The following IL1RAPL1 variants were observed in gnomAD, a reference collection of about 807,000 sequenced individuals.
The protein encoded by IL1RAPL1 is interleukin-1 receptor accessory protein-like 1.
A neutral mutation model predicts 48.4 loss-of-function variants in IL1RAPL1; 3 were observed. The observed-to-expected ratio is 0.06, with a 90% confidence interval of 0.03 to 0.16. The LOEUF (loss-of-function observed/expected upper bound fraction) is 0.16. IL1RAPL1 is among the 10% of genes least tolerant of loss of function. IL1RAPL1 has a pLI of 1.00. For missense variants in IL1RAPL1, 349 were observed against 530.6 expected, an observed-to-expected ratio of 0.66 and a Z score of 3.36; for synonymous variants, 185 against 187.7, an observed-to-expected ratio of 0.99 and a Z score of 0.12.
At chrX:28,718,874 T>C (rs1456336911) in intron 1 of IL1RAPL1, among the ~76,000 whole-genome samples, 1 of 111,448 alleles carries the variant, frequency 9.0e-6, no homozygotes, top group African/African-American at 3.2e-5. Context: ...AACTAACTTA[T>C]TTGACTCTTA....
chrX:29,367,101 T>C (rs1206754574), intron 3 of IL1RAPL1, among the ~76,000 whole-genome samples: 2 of 111,678 alleles, frequency 1.8e-5, no homozygotes, highest in African/African-American at 6.5e-5. Flanking sequence ...CATGTGTAAT[T>C]AGCAAATATA....
intron 2 of IL1RAPL1, among the ~76,000 whole-genome samples, chrX:29,147,213 C>T (rs969845668): frequency 4.5e-5 from 5 of 112,137 alleles, no homozygotes; most frequent in African/African-American, 1.6e-4. Flanking sequence ...AATCAGTCCA[C>T]AGCCCAAGGA....
intron 2 of IL1RAPL1, among the ~76,000 whole-genome samples, chrX:29,123,973 T>C (rs1445421074): frequency 8.9e-6 from 1 of 111,882 alleles, no homozygotes; most frequent in Non-Finnish European, 1.9e-5. Context: ...TTAATGTGGC[T>C]ACTAGAGCAT....
At chrX:28,836,757 C>T (rs1019617822) in intron 2 of IL1RAPL1, among the ~76,000 whole-genome samples, 10 of 110,028 alleles carry the variant, frequency 9.1e-5, no homozygotes, top group African/African-American at 3.0e-4. Flanking sequence ...GCATCATCAT[C>T]GTCATCATCA....
chrX:28,946,053 T>C (rs1487591392), intron 2 of IL1RAPL1, among the ~76,000 whole-genome samples: 1 of 109,676 alleles, frequency 9.1e-6, no homozygotes, highest in East Asian at 2.9e-4. Context: ...TACAGTGTGA[T>C]ACAAATATAT....
chrX:29,738,912 A>G (rs1449205884), intron 6 of IL1RAPL1, among the ~76,000 whole-genome samples: 1 of 112,352 alleles, frequency 8.9e-6, no homozygotes, highest in Non-Finnish European at 1.9e-5. Flanking sequence ...ATCTTCCAGG[A>G]GGTTCATATT....
intron 6 of IL1RAPL1, among the ~76,000 whole-genome samples, chrX:29,697,137 G>A (rs1307701547): frequency 9.0e-6 from 1 of 111,620 alleles, no homozygotes; most frequent in East Asian, 2.8e-4. Context: ...TGCCGCAAGT[G>A]AGGGCTTTAT....
At chrX:29,773,310 ATTAC>A (rs372526695) in intron 6 of IL1RAPL1, among the ~76,000 whole-genome samples, 265 of 111,443 alleles carry the variant, frequency 2.4e-3, no homozygotes, top group African/African-American at 7.9e-3. Context: ...ATGGGCTTTC[ATTAC>A]TTATTCAAGA....
chrX:28,853,623 G>T (rs775040574), intron 2 of IL1RAPL1, among the ~76,000 whole-genome samples: 1 of 107,739 alleles, frequency 9.3e-6, no homozygotes, highest in Admixed American at 1.0e-4. Flanking sequence ...TTAGTGTGAG[G>T]AAATAAAGTA....
intron 1 of IL1RAPL1, among the ~76,000 whole-genome samples, chrX:28,617,620 A>G: frequency 8.9e-6 from 1 of 112,062 alleles, no homozygotes; most frequent in East Asian, 2.8e-4. Context: ...ATTCAATGGA[A>G]TCACTTATTT....
intron 1 of IL1RAPL1, among the ~76,000 whole-genome samples, chrX:28,706,353 T>G (rs1410526519): frequency 1.8e-5 from 2 of 112,023 alleles, no homozygotes; most frequent in Non-Finnish European, 3.8e-5. Flanking sequence ...TCAATACTGT[T>G]CACACAATGA....
chrX:29,770,228 A>G (rs1482882945), intron 6 of IL1RAPL1, among the ~76,000 whole-genome samples: 1 of 112,317 alleles, frequency 8.9e-6, no homozygotes, highest in African/African-American at 3.2e-5. Flanking sequence ...AAAGCCCAGA[A>G]TGGAACCAAA....
At chrX:29,400,584 A>G (rs1008213698) in intron 5 of IL1RAPL1, among the ~76,000 whole-genome samples, 3 of 112,180 alleles carry the variant, frequency 2.7e-5, no homozygotes, top group Non-Finnish European at 5.6e-5. Context: ...ATAGAAAAGC[A>G]TAAAAAGGAC....
chrX:29,921,023 A>C (rs771972591), intron 8 of IL1RAPL1, among the ~76,000 whole-genome samples: 1 of 110,853 alleles, frequency 9.0e-6, no homozygotes, highest in Non-Finnish European at 1.9e-5. Flanking sequence ...ATGCATTTTT[A>C]AGTAAGATAA....
intron 6 of IL1RAPL1, among the ~76,000 whole-genome samples, chrX:29,789,077 A>C (rs1929571316): frequency 8.9e-6 from 1 of 112,167 alleles, no homozygotes; most frequent in Non-Finnish European, 1.9e-5. Context: ...TAAGGCACTG[A>C]ATCTGGAACA....
chrX:29,129,181 T>C (rs1178463899), intron 2 of IL1RAPL1, among the ~76,000 whole-genome samples: 1 of 109,151 alleles, frequency 9.2e-6, no homozygotes, highest in African/African-American at 3.4e-5. Context: ...GTAGCTGGGA[T>C]TACAGGCATG....
intron 2 of IL1RAPL1, among the ~76,000 whole-genome samples, chrX:28,923,832 TCTTG>T (rs1258763820): frequency 8.9e-6 from 1 of 111,810 alleles, no homozygotes; most frequent in East Asian, 2.8e-4. Flanking sequence ...CTGGAAGTAC[TCTTG>T]CTTCATCAAA....
chrX:29,454,333 A>G (rs910300054), intron 5 of IL1RAPL1, among the ~76,000 whole-genome samples: 4 of 112,119 alleles, frequency 3.6e-5, no homozygotes, highest in African/African-American at 6.5e-5. Context: ...ATTTTAGTGT[A>G]TGTACCTCAG....
chrX:29,041,291 G>T (rs180787935), intron 2 of IL1RAPL1, among the ~76,000 whole-genome samples: 1 of 111,476 alleles, frequency 9.0e-6, no homozygotes, highest in Admixed American at 9.6e-5. Context: ...AGGCAGGGGG[G>T]TGGAATTTAC....
Sources: allele counts gnomAD v4.1 joint callset (sites outside exome capture counted in the v4.1 genomes callset), GRCh38; gene constraint gnomAD v4.1.1; transcripts MANE v1.5; gene names NCBI Gene and HGNC (gene_info 2026-07-23, HGNC 2026-07-21).